NTRK3: variants seen among roughly 807,000 people sequenced by gnomAD.
NTRK3 encodes the protein NT-3 growth factor receptor.
In NTRK3, 24 loss-of-function variants were observed where a neutral mutation model predicts 91.7. The ratio of observed to expected loss-of-function variants is 0.26; its 90% CI spans 0.19 to 0.37. The LOEUF (loss-of-function observed/expected upper bound fraction) is 0.37. Among genes scored for constraint, NTRK3 ranks in the 10% least tolerant of loss-of-function variants. The probability of loss-of-function intolerance (pLI) is 1.00; values close to 1 mark genes in which losing one functional copy is unlikely to be tolerated. For missense variants in NTRK3, 880 were observed against 1,068.9 expected (o/e 0.82, Z 2.46); for synonymous variants, 483 against 404.0 (o/e 1.20, Z -2.34).
At chr15:88,047,425 C>T (rs945762887) in intron 13 of NTRK3, among the ~76,000 whole-genome samples, 1 of 151,296 alleles carries the variant, frequency 6.6e-6, no homozygotes, top group Admixed American at 6.6e-5. Context: ...AGCCCTGGTA[C>T]CAAGGGAAAA....
chr15:87,898,489 C>A (rs531181558), intron 17 of NTRK3, among the ~76,000 whole-genome samples: 5 of 152,034 alleles, frequency 3.3e-5, no homozygotes, highest in Non-Finnish European at 7.4e-5. Context: ...CAAGGGTGGG[C>A]TGGTTAGAAT....
At chr15:87,982,449 C>T (rs1056599223) in intron 14 of NTRK3, among the ~76,000 whole-genome samples, 1 of 151,948 alleles carries the variant, frequency 6.6e-6, no homozygotes, top group African/African-American at 2.4e-5. Flanking sequence ...CCACAGACCC[C>T]GCTACATCTG....
chr15:87,909,088 T>C (rs1036647020), intron 17 of NTRK3, among the ~76,000 whole-genome samples: 3 of 152,272 alleles, frequency 2.0e-5, no homozygotes, highest in Admixed American at 6.5e-5. Context: ...CCACTGCTTT[T>C]AGGGCTACCC....
intron 14 of NTRK3, among the ~76,000 whole-genome samples, chr15:88,001,702 A>G (rs943829845): frequency 7.9e-5 from 12 of 152,180 alleles, no homozygotes. Context: ...ATCTATGTCT[A>G]TCCTCATGGC....
intron 14 of NTRK3, among the ~76,000 whole-genome samples, chr15:88,023,743 G>A (rs1027471244): frequency 6.6e-5 from 10 of 152,090 alleles, no homozygotes; most frequent in South Asian, 2.1e-4. Flanking sequence ...CTCTTCAGCC[G>A]CACACCCCAT....
At chr15:87,983,983 G>A (rs1046893232) in intron 14 of NTRK3, among the ~76,000 whole-genome samples, 37 of 152,026 alleles carry the variant, frequency 2.4e-4, no homozygotes, top group Admixed American at 2.6e-4. Context: ...ATGACACTTC[G>A]CATGCACTGG....
chr15:87,934,786 G>T (rs2069120992), intron 15 of NTRK3, among the ~76,000 whole-genome samples: 1 of 152,126 alleles, frequency 6.6e-6, no homozygotes, highest in Non-Finnish European at 1.5e-5. Context: ...CTGGACCTCA[G>T]TACTCTCCTG....
intron 3 of NTRK3, among the ~76,000 whole-genome samples, chr15:88,228,663 A>T (rs927853554): frequency 4.6e-5 from 7 of 152,122 alleles, no homozygotes; most frequent in African/African-American, 1.7e-4. Flanking sequence ...CCCTTGTATT[A>T]TAGTTGTCTA....
intron 7 of NTRK3, 87 bp downstream of exon 7, chr15:88,137,317 G>A (rs1390874545): frequency 2.0e-6 from 3 of 1,513,146 alleles, no homozygotes; most frequent in South Asian, 2.3e-5. Context: ...GGAAGGCTCT[G>A]GCATCCCAAG....
chr15:88,062,584 G>C (rs1160824115), intron 13 of NTRK3, among the ~76,000 whole-genome samples: 2 of 152,180 alleles, frequency 1.3e-5, no homozygotes, highest in African/African-American at 4.8e-5. Context: ...ACAAGGTAAA[G>C]ATGGCAGAGC....
At chr15:88,132,136 T>C (rs2041418010) in intron 10 of NTRK3, 1 of 180,686 alleles carries the variant, frequency 5.5e-6, no homozygotes, top group African/African-American at 2.4e-5. Flanking sequence ...GTCAGAGCCC[T>C]GGCAACGTGG....
At chr15:87,916,256 T>G in intron 17 of NTRK3, 1 of 317,502 alleles carries the variant, frequency 3.1e-6, no homozygotes, top group Non-Finnish European at 5.8e-6. Flanking sequence ...AAAGAAGATA[T>G]CTGTATGGAA....
intron 3 of NTRK3, among the ~76,000 whole-genome samples, chr15:88,208,313 T>A (rs1597962066): frequency 6.6e-6 from 1 of 152,100 alleles, no homozygotes; most frequent in South Asian, 2.1e-4. Context: ...CCCCTTTGGA[T>A]GTCCCATTTT....
chr15:88,210,802 C>G (rs1315096463), intron 3 of NTRK3, among the ~76,000 whole-genome samples: 1 of 152,106 alleles, frequency 6.6e-6, no homozygotes, highest in African/African-American at 2.4e-5. Flanking sequence ...ATAACTTCTG[C>G]GTCAACTTCC....
chr15:88,256,635 TACAC>T lies in NTRK3; in HGVS notation c.-219+5_-219+8del, dbSNP rs2054081594. 2.4e-6 allele frequency: 1 copy of T among 422,502 alleles called. No individual in the cohort carries two copies. Among genetic ancestry groups the T allele is most frequent in the African/African-American group, 2.1e-5 (1 of 48,276 alleles). 26.2% of individuals were successfully genotyped at this position (422,502 alleles called of 1,614,324 possible). A position where few individuals can be genotyped will look rare whatever the true frequency, so the allele number is the denominator to read the frequency against. On this transcript the variant is annotated splice_donor_5th_base_variant and intron_variant, in intron 1 of 18. Coordinates refer to ENST00000394480, the Ensembl canonical transcript of NTRK3. ...AAACACACACACTCACTCTCACACA[TACAC>T]ACACCCGGAGCCCGAGGAAAGGAAG...
intron 3 of NTRK3, among the ~76,000 whole-genome samples, chr15:88,253,653 C>T (rs2053674058): frequency 6.6e-6 from 1 of 152,220 alleles, no homozygotes; most frequent in South Asian, 2.1e-4. Flanking sequence ...GCCACTGGCA[C>T]AGCTCCTGTG....
intron 14 of NTRK3, among the ~76,000 whole-genome samples, chr15:88,008,950 A>C (rs1178569350): frequency 6.6e-6 from 1 of 152,202 alleles, no homozygotes; most frequent in Non-Finnish European, 1.5e-5. Flanking sequence ...TAGAGAAGAA[A>C]AAAATTAGGA....
chr15:88,115,185 A>G (rs2051900952), intron 13 of NTRK3, among the ~76,000 whole-genome samples: 1 of 152,180 alleles, frequency 6.6e-6, no homozygotes. Context: ...CATTTTCCCA[A>G]GCTCTTGGAT....
chr15:88,197,840 T>C (rs2047963348), intron 3 of NTRK3, among the ~76,000 whole-genome samples: 2 of 152,184 alleles, frequency 1.3e-5, no homozygotes, highest in African/African-American at 4.8e-5. Flanking sequence ...GTCTCCCCTC[T>C]GGTTCTTCCC....
Sources: allele counts gnomAD v4.1 joint callset (sites outside exome capture counted in the v4.1 genomes callset), GRCh38; gene constraint gnomAD v4.1.1; transcripts MANE v1.5; gene names NCBI Gene and HGNC (gene_info 2026-07-23, HGNC 2026-07-21).